The following LITAF variants were observed in gnomAD, a reference collection of about 807,000 sequenced individuals.
LITAF encodes the protein lipopolysaccharide-induced tumor necrosis factor-alpha factor.
Under a neutral mutation model 14.5 loss-of-function variants are expected in LITAF, and 9 were observed. That is an observed-to-expected ratio of 0.62 (90% CI 0.37 to 1.08). LITAF has a LOEUF of 1.08. Among genes scored for constraint, LITAF ranks in the 50% least tolerant of loss-of-function variants. LITAF has a pLI of 0.01. For synonymous variants in LITAF, 98 were observed against 88.2 expected, an observed-to-expected ratio of 1.11 and a Z score of -0.62; for missense variants, 206 against 213.4, an observed-to-expected ratio of 0.97 and a Z score of 0.22.
At chr16:11,572,697 C>T (rs929507284) in intron 1 of LITAF, among the ~76,000 whole-genome samples, 7 of 152,118 alleles carry the variant, frequency 4.6e-5, no homozygotes, top group African/African-American at 1.4e-4. Flanking sequence ...CTGTCAGAGA[C>T]CAGAGGACAA....
chr16:11,620,915 T>C (rs2065046336), intron 3 of LITAF, among the ~76,000 whole-genome samples: 1 of 152,194 alleles, frequency 6.6e-6, no homozygotes, highest in Non-Finnish European at 1.5e-5. Flanking sequence ...CTTTCTATTT[T>C]GAGATGGTCT....
At chr16:11,631,712 G>T (rs773846142) in intron 3 of LITAF, among the ~76,000 whole-genome samples, 2 of 151,494 alleles carry the variant, frequency 1.3e-5, no homozygotes, top group African/African-American at 4.9e-5. Context: ...CCTTCTCTCC[G>T]GTGTCTGTGG....
At chr16:11,612,027 C>T (rs768554220) in intron 3 of LITAF, among the ~76,000 whole-genome samples, 3 of 152,156 alleles carry the variant, frequency 2.0e-5, no homozygotes, top group Admixed American at 6.6e-5. Context: ...CCCCATCCAA[C>T]GCAACTTAAT....
chr16:11,618,745 G>A (rs1267501949), intron 3 of LITAF, among the ~76,000 whole-genome samples: 1 of 152,082 alleles, frequency 6.6e-6, no homozygotes, highest in African/African-American at 2.4e-5. Context: ...AGCACTTTAG[G>A]AGACCGAGGC....
chr16:11,549,020 C>G lies in LITAF; in HGVS notation c.*617G>C, dbSNP rs751675013. 4.9e-5 allele frequency: 22 copies of G among 453,104 alleles called. No homozygotes were observed. Among genetic ancestry groups the G allele is most frequent in the Middle Eastern group, 6.8e-4 (1 of 1,466 alleles). The allele number at this position is 453,104 out of a possible 1,614,324, so 28.1% of individuals were successfully genotyped here. ...TGCATTTACGACCTTGTGGATATGTCTGTACTGGGTGTTAATAGCCCCCTC... is the reference window on the plus strand; with the variant it reads ...TGCATTTACGACCTTGTGGATATGTGTGTACTGGGTGTTAATAGCCCCCTC... On this transcript the variant is annotated 3_prime_UTR_variant, in exon 4 of 4. Coordinates refer to ENST00000622633, the MANE Select transcript of LITAF (RefSeq NM_001136472.2). This position sits in a 1 kb window ranked among gnomAD's most constrained non-coding sequence, Gnocchi z 4.6.
upstream of LITAF, among the ~76,000 whole-genome samples, chr16:11,600,028 C>T (rs981039890): frequency 6.6e-6 from 1 of 152,158 alleles, no homozygotes; most frequent in Admixed American, 6.5e-5. This position sits in a 1 kb window ranked among gnomAD's most constrained non-coding sequence, Gnocchi z 4.1. Flanking sequence ...ACAGGTCTCA[C>T]TCTGTCTCCC....
chr16:11,572,910 A>C (rs2064567083), intron 1 of LITAF, among the ~76,000 whole-genome samples: 1 of 147,614 alleles, frequency 6.8e-6, no homozygotes, highest in Non-Finnish European at 1.5e-5. Context: ...TAATTGTACC[A>C]ATTTTCTGCA....
chr16:11,560,500 C>G (rs1253979881), intron 1 of LITAF, among the ~76,000 whole-genome samples: 1 of 150,728 alleles, frequency 6.6e-6, no homozygotes, highest in Non-Finnish European at 1.5e-5. Context: ...AATCCCAGCA[C>G]TTAACCTGGG....
chr16:11,592,762 A>G (rs568433071), intron 1 of LITAF, among the ~76,000 whole-genome samples: 10 of 151,956 alleles, frequency 6.6e-5, no homozygotes, highest in Non-Finnish European at 1.5e-4. Context: ...GGGGTCGGGC[A>G]CGGTGGCTCA....
chr16:11,569,935 G>A lies in LITAF; in HGVS notation c.-5-13200C>T, dbSNP rs540948835. Among the ~76,000 whole-genome samples, 9 of 151,828 alleles carry A rather than the reference G, an allele frequency of 5.9e-5. No individual in the cohort carries two copies. The East Asian group carries it at 9.7e-4, about 16-fold the overall frequency. On this transcript the variant is annotated intron_variant, in intron 1 of 3. Coordinates refer to ENST00000622633, the MANE Select transcript of LITAF (RefSeq NM_001136472.2). ...TGTAATTCCAGCTACTTGGGAGGCT[G>A]AGGCAGAATTGCTTGAACCTGGGAA... is the stretch of plus-strand genomic sequence containing the variant.
At chr16:11,614,298 CTTTTT>C (rs34958536) in intron 3 of LITAF, among the ~76,000 whole-genome samples, 2 of 134,956 alleles carry the variant, frequency 1.5e-5, no homozygotes, top group East Asian at 4.3e-4. Flanking sequence ...TTTTTCTTTT[CTTTTT>C]TTTTTTTTTT....
intron 1 of LITAF, among the ~76,000 whole-genome samples, chr16:11,582,302 C>G (rs917129003): frequency 1.5e-5 from 2 of 129,892 alleles, no homozygotes; most frequent in Admixed American, 1.7e-4. Flanking sequence ...AGTGAAATAT[C>G]TATTTCACTC....
intron 3 of LITAF, among the ~76,000 whole-genome samples, chr16:11,613,882 C>A (rs1361539247): frequency 6.6e-6 from 1 of 152,248 alleles, no homozygotes; most frequent in Non-Finnish European, 1.5e-5. Context: ...CGGGCCACTT[C>A]TCTCGCTGAA....
At chr16:11,588,861 T>C (rs1292047488), upstream of LITAF, among the ~76,000 whole-genome samples, 15 of 151,348 alleles carry the variant, frequency 9.9e-5, no homozygotes, top group African/African-American at 3.7e-4. Flanking sequence ...TTCTCCTTCC[T>C]TCCTTCCTTC....
intron 3 of LITAF, among the ~76,000 whole-genome samples, chr16:11,607,744 C>A (rs1041918513): frequency 1.3e-5 from 2 of 152,212 alleles, no homozygotes; most frequent in South Asian, 4.1e-4. Context: ...ATCACCAGAC[C>A]AGGGTTCATC....
intron 1 of LITAF, among the ~76,000 whole-genome samples, chr16:11,582,898 AC>A (rs1183293812): frequency 6.6e-6 from 1 of 152,216 alleles, no homozygotes; most frequent in African/African-American, 2.4e-5. Context: ...AAGGAGGGTC[AC>A]CTGGCAGGTT....
intron 1 of LITAF, among the ~76,000 whole-genome samples, chr16:11,557,963 C>A (rs570093884): frequency 1.3e-5 from 2 of 152,282 alleles, no homozygotes; most frequent in South Asian, 4.1e-4. Flanking sequence ...AGCCATGGGG[C>A]AGCTGGAAGC....
At chr16:11,624,306 G>C (rs1447477001) in intron 3 of LITAF, among the ~76,000 whole-genome samples, 1 of 152,116 alleles carries the variant, frequency 6.6e-6, no homozygotes, top group Non-Finnish European at 1.5e-5. Flanking sequence ...TTTTCCAATA[G>C]TTCCAGCTAA....
At chr16:11,595,730 A>AAAAAC (rs762773838) in intron 1 of LITAF, among the ~76,000 whole-genome samples, 20 of 152,296 alleles carry the variant, frequency 1.3e-4, no homozygotes, top group African/African-American at 2.2e-4. Context: ...CTCCGTCTCA[A>AAAAAC]AAAACAAAAC....
Sources: allele counts gnomAD v4.1 joint callset (sites outside exome capture counted in the v4.1 genomes callset), GRCh38; gene constraint gnomAD v4.1.1; non-coding constraint Gnocchi (gnomAD v3.1); transcripts MANE v1.5; gene names NCBI Gene and HGNC (gene_info 2026-07-23, HGNC 2026-07-21).